The following VPS50 variants were observed in gnomAD, a reference collection of about 807,000 sequenced individuals.
The protein encoded by VPS50 is VPS50 subunit of EARP/GARPII complex.
In VPS50, 70 loss-of-function variants were observed where a neutral mutation model predicts 139.7. That is an observed-to-expected ratio of 0.50 (90% CI 0.41 to 0.61). The LOEUF is 0.61. Ranked by LOEUF, VPS50 falls within the 20% of genes least tolerant of loss-of-function variation. The pLI is 0.00. For synonymous variants in VPS50, 365 were observed against 376.7 expected (o/e 0.97, Z 0.36); for missense variants, 921 against 1,133.7 (o/e 0.81, Z 2.69).
At chr7:93,246,763 T>A (rs1457177388) in intron 2 of VPS50, among the ~76,000 whole-genome samples, 1 of 151,884 alleles carries the variant, frequency 6.6e-6, no homozygotes, top group Non-Finnish European at 1.5e-5. Context: ...TCTCTCTTTT[T>A]TTCCTCCTAA....
Position 93,258,226 on chromosome 7 carries a change from C to T in VPS50, c.490C>T (p.Arg164Cys), listed in dbSNP as rs374485392. ...SLGLLANQRK[R>C]QLLIGLLKSL... ...AGGCCTTCTTGCAAATCAAAGGAAA[C>T]GTCAGTTGCTGATTGGACTTCTGAA... The change falls in exon 7 of 28, where the codon CGT becomes TGT. Residue 164 changes from arginine to cysteine, a missense_variant. By Grantham distance (180) the Arg-to-Cys change is radical. Coordinates refer to ENST00000305866, the MANE Select transcript of VPS50 (RefSeq NM_017667.4). 33 of 1,601,902 alleles carry T rather than the reference C, an allele frequency of 2.1e-5. No individual in the cohort carries two copies. Among genetic ancestry groups the T allele is most frequent in the African/African-American group, 9.4e-5 (7 of 74,640 alleles).
chr7:93,241,443 C>A (rs1174223194), intron 2 of VPS50, among the ~76,000 whole-genome samples: 6 of 152,166 alleles, frequency 3.9e-5, no homozygotes, highest in African/African-American at 1.2e-4. Context: ...TTAGCACATA[C>A]TAAGAAGCTA....
chr7:93,350,867 C>T (rs1798536988), intron 25 of VPS50, among the ~76,000 whole-genome samples: 1 of 152,116 alleles, frequency 6.6e-6, no homozygotes, highest in African/African-American at 2.4e-5. Flanking sequence ...AAGTAACTTT[C>T]AGGAAAAATG....
At position 93,323,766 on chromosome 7, in the gene VPS50, T is replaced by C. The variant is rs534425447; in HGVS notation, c.1977+34T>C. The C allele has an allele frequency of 2.5e-6, 3 of 1,212,828 alleles. No homozygotes were observed. In the Admixed American group the frequency reaches 8.6e-5, roughly 35 times the overall value. 75.1% of individuals were successfully genotyped at this position (1,212,828 alleles called of 1,614,324 possible). The stretch of plus-strand genomic sequence containing the variant: ...ACCTTTAGAGGGAAAAAAATCTTTC[T>C]TTTAAAATTTATTTTATAAATGTCA... On this transcript the variant is annotated intron_variant, in intron 21 of 27. Transcript: ENST00000305866.
At chr7:93,243,472 G>T (rs1055560939) in intron 2 of VPS50, among the ~76,000 whole-genome samples, 4 of 151,920 alleles carry the variant, frequency 2.6e-5, no homozygotes, top group African/African-American at 7.2e-5. Context: ...GGAGCAACAG[G>T]AAATAGAGGA....
chr7:93,252,825 T>C (rs1054662157), intron 3 of VPS50, 50 bp downstream of exon 3: 14 of 1,464,134 alleles, frequency 9.6e-6, no homozygotes, highest in Middle Eastern at 4.6e-4. Flanking sequence ...TGTTCAGTGA[T>C]TGGATTTATG....
At chr7:93,254,479 C>A (rs929917043) in intron 4 of VPS50, among the ~76,000 whole-genome samples, 1 of 152,066 alleles carries the variant, frequency 6.6e-6, no homozygotes, top group African/African-American at 2.4e-5. Context: ...GTTGCCCAGG[C>A]TGGTCTTGAA....
chr7:93,357,362 A>T (rs1798735538), intron 27 of VPS50, among the ~76,000 whole-genome samples: 1 of 152,022 alleles, frequency 6.6e-6, no homozygotes, highest in Admixed American at 6.6e-5. Context: ...ATTCAGTGAC[A>T]TTTCCCCAGC....
intron 21 of VPS50, among the ~76,000 whole-genome samples, chr7:93,326,210 C>G (rs1205661248): frequency 7.2e-6 from 1 of 139,258 alleles, no homozygotes; most frequent in African/African-American, 2.6e-5. Context: ...AAAAACCAAA[C>G]ACTGCATATT....
chr7:93,292,765 G>A (rs1421647206), intron 13 of VPS50, among the ~76,000 whole-genome samples: 1 of 151,964 alleles, frequency 6.6e-6, no homozygotes, highest in African/African-American at 2.4e-5. Flanking sequence ...CAAGAAGCTT[G>A]TAAATATAGA....
At position 93,244,700 on chromosome 7, in the gene VPS50, T is replaced by C. The variant is rs1424537666; in HGVS notation, c.102+4766T>C. On this transcript the variant is annotated intron_variant, in intron 2 of 27. Coordinates refer to ENST00000305866, the MANE Select transcript of VPS50 (RefSeq NM_017667.4). ...TAGAGAGGATTAGTATTGAGGTTTA[T>C]GACTAGGTGAATTTATTTAGTGATC... 3.3e-5 allele frequency among the ~76,000 whole-genome samples: 5 copies of C among 152,040 alleles called. No individual in the cohort carries two copies. In the East Asian group the frequency reaches 9.6e-4, roughly 29 times the overall value.
At chr7:93,351,226 C>G (rs932938701) in intron 25 of VPS50, among the ~76,000 whole-genome samples, 1 of 152,118 alleles carries the variant, frequency 6.6e-6, no homozygotes, top group South Asian at 2.1e-4. Context: ...ATTTGCCACT[C>G]TGGAATTCAG....
Position 93,319,825 on chromosome 7 carries a change from A to G in VPS50, c.1856-3786A>G, listed in dbSNP as rs186275891. Among the ~76,000 whole-genome samples, 38 of 151,824 alleles carry G rather than the reference A, an allele frequency of 2.5e-4. No homozygotes were observed. The East Asian group carries it at 2.9e-3, about 12-fold the overall frequency. On this transcript the variant is annotated intron_variant, in intron 20 of 27. Transcript: ENST00000305866. Reference sequence around the variant, plus strand: ...TTACTCAAATTGGTCCTTTATATCTATTTTCTCAAATGTTTCCCACAGTAT... The same window carrying G: ...TTACTCAAATTGGTCCTTTATATCTGTTTTCTCAAATGTTTCCCACAGTAT...
intron 12 of VPS50, among the ~76,000 whole-genome samples, chr7:93,277,547 A>G (rs1169172259): frequency 6.6e-6 from 1 of 152,198 alleles, no homozygotes; most frequent in African/African-American, 2.4e-5. Flanking sequence ...TCTGTTGGGT[A>G]CTACAGAAAT....
chr7:93,343,863 C>T lies in VPS50; in HGVS notation c.2207+2288C>T, dbSNP rs1245411864. On this transcript the variant is annotated intron_variant, in intron 23 of 27. Coordinates refer to ENST00000305866, the MANE Select transcript of VPS50 (RefSeq NM_017667.4). ...CTGGAAAGGAACAACCGGTACCAGC[C>T]GCTGCAAAATCATGCCAAAATGTAA... is the stretch of plus-strand genomic sequence containing the variant. 6.3e-4 allele frequency among the ~76,000 whole-genome samples: 96 copies of T among 152,140 alleles called. 1 individual carries two copies. The highest frequency in any genetic ancestry group is 2.0e-4 in the Admixed American group (3 of 15,282).
chr7:93,285,929 G>A (rs980428486), intron 12 of VPS50, among the ~76,000 whole-genome samples: 13 of 152,004 alleles, frequency 8.6e-5, no homozygotes, highest in Non-Finnish European at 1.6e-4. Context: ...TTTTATGATC[G>A]CCAAATTTAT....
rs1341954307 is a variant in VPS50, at chr7:93,256,509, G to A, written c.298G>A (p.Val100Ile). The stretch of plus-strand genomic sequence containing the variant: ...TTTGTTTGATTACATCTTCTTATAG[G>A]TATCTAAAAAAGTGGCAGATTTAAT... ...RDKLKQQQAA[V>I]SKKVADLILE... Residue 100 changes from valine (V) to isoleucine (I), a missense_variant and splice_region_variant, in exon 5 of 28, where the codon GTA becomes ATA. Physicochemically the swap from Val to Ile is conservative, Grantham distance 29 (BLOSUM62 3). This residue lies in a region of VPS50 where 744 missense variants were observed against 930.6 expected (regional missense o/e 0.80). Coordinates refer to ENST00000305866, the MANE Select transcript of VPS50 (RefSeq NM_017667.4). The A allele has an allele frequency of 3.0e-6, 4 of 1,354,534 alleles. No individual in the cohort carries two copies. Among genetic ancestry groups the A allele is most frequent in the South Asian group, 1.4e-5 (1 of 70,216 alleles). The allele number at this position is 1,354,534 out of a possible 1,614,324, so 83.9% of individuals were successfully genotyped here.
chr7:93,313,059 G>A (rs554603747), intron 20 of VPS50, among the ~76,000 whole-genome samples: 15 of 152,280 alleles, frequency 9.9e-5, no homozygotes, highest in South Asian at 6.2e-4. Context: ...GCTCTGCTCC[G>A]TGTGTCTCTT....
At chr7:93,249,322 A>G (rs553230902) in intron 2 of VPS50, among the ~76,000 whole-genome samples, 6 of 151,692 alleles carry the variant, frequency 4.0e-5, no homozygotes, top group East Asian at 1.9e-4. Flanking sequence ...GAGAGAGAGA[A>G]AGAGAGAGAG....
Sources: allele counts gnomAD v4.1 joint callset (sites outside exome capture counted in the v4.1 genomes callset), GRCh38; gene constraint gnomAD v4.1.1; regional missense constraint gnomAD v4.1.1; transcripts MANE v1.5; gene names NCBI Gene and HGNC (gene_info 2026-07-23, HGNC 2026-07-21).